Variants in MAST2 observed in about 807,000 individuals in gnomAD.
MAST2 encodes microtubule-associated serine/threonine-protein kinase 2.
In MAST2, 70 loss-of-function variants were observed where a neutral mutation model predicts 147.4. That is an observed-to-expected ratio of 0.47 (90% CI 0.39 to 0.58). The LOEUF (loss-of-function observed/expected upper bound fraction) is 0.58, where lower values mean the gene tolerates loss of function less well. MAST2 is among the 20% of genes least tolerant of loss of function. MAST2 has a pLI of 0.00. For synonymous variants in MAST2, 869 were observed against 896.8 expected (o/e 0.97, Z 0.55); for missense variants, 2,080 against 2,302.3 (o/e 0.90, Z 1.98).
chr1:45,937,718 C>T (rs1302482708), intron 4 of MAST2, among the ~76,000 whole-genome samples: 1 of 124,996 alleles, frequency 8.0e-6, no homozygotes, highest in Non-Finnish European at 1.6e-5. Flanking sequence ...CACCACTGTA[C>T]TCCAGCCTGG....
At chr1:45,914,248 T>C (rs536706722) in intron 4 of MAST2, among the ~76,000 whole-genome samples, 2 of 152,306 alleles carry the variant, frequency 1.3e-5, no homozygotes, top group African/African-American at 4.8e-5. Context: ...ACCTCCTCCT[T>C]TGACTAGAGA....
At position 45,833,915 on chromosome 1, in the gene MAST2, C is replaced by T. The variant is rs538952150; in HGVS notation, c.468+4334C>T. Among the ~76,000 whole-genome samples the T allele has an allele frequency of 2.0e-5, 3 of 151,656 alleles. No individual in the cohort carries two copies. The South Asian group carries it at 6.3e-4, about 32-fold the overall frequency. On this transcript the variant is annotated intron_variant, in intron 3 of 28. Transcript: ENST00000361297. ...CTTATTTACCTACTGTAACTTCAAG[C>T]TAGCTCTTCTCTTCCCATTCTCCCG...
At chr1:45,850,680 G>T (rs1439206679) in intron 3 of MAST2, among the ~76,000 whole-genome samples, 1 of 152,080 alleles carries the variant, frequency 6.6e-6, no homozygotes, top group African/African-American at 2.4e-5. Context: ...TGCCTAGCCA[G>T]CTATCCCAGC....
chr1:45,824,645 T>TA (rs1644735729), intron 2 of MAST2, 65 bp downstream of exon 2: 2 of 1,233,282 alleles, frequency 1.6e-6, no homozygotes, highest in Admixed American at 2.5e-5. Context: ...AAGTGTATAT[T>TA]AATTGAATTG....
At chr1:45,828,286 G>T (rs1473667149) in intron 2 of MAST2, among the ~76,000 whole-genome samples, 1 of 152,086 alleles carries the variant, frequency 6.6e-6, no homozygotes, top group Non-Finnish European at 1.5e-5. Context: ...ACTACATTGG[G>T]TATTTTCATG....
At chr1:45,883,811 G>A (rs1424455975) in intron 4 of MAST2, among the ~76,000 whole-genome samples, 2 of 143,784 alleles carry the variant, frequency 1.4e-5, no homozygotes, top group Non-Finnish European at 3.0e-5. Context: ...AGGACTCTTA[G>A]AGGAATGAGA....
Position 46,021,948 on chromosome 1 carries a change from A to G in MAST2, c.1291-2A>G. On this transcript the variant is annotated splice_acceptor_variant, in intron 11 of 28. Coordinates refer to ENST00000361297, the MANE Select transcript of MAST2 (RefSeq NM_015112.3). LOFTEE classifies it high-confidence loss of function. ...ACTGACTATCTCTCTCCCTTGGTAC[A>G]GGAGTTTGACCCTGAAGAGTTCTAC... 6.2e-7 allele frequency: 1 copy of G among 1,614,156 alleles called. No individual in the cohort carries two copies. Among genetic ancestry groups the G allele is most frequent in the Non-Finnish European group, 8.5e-7 (1 of 1,179,994 alleles).
intron 1 of MAST2, among the ~76,000 whole-genome samples, chr1:45,811,482 G>A (rs1425323375): frequency 2.6e-5 from 4 of 151,446 alleles, no homozygotes; most frequent in African/African-American, 9.7e-5. Flanking sequence ...GGGACTACAG[G>A]CGCCCACCAC....
At chr1:45,822,028 A>G (rs1181320747) in intron 1 of MAST2, among the ~76,000 whole-genome samples, 1 of 150,418 alleles carries the variant, frequency 6.6e-6, no homozygotes, top group Non-Finnish European at 1.5e-5. Flanking sequence ...AGCTGGGATT[A>G]CAGGCACGTG....
chr1:45,936,611 A>T (rs899285023), intron 4 of MAST2, among the ~76,000 whole-genome samples: 4 of 152,238 alleles, frequency 2.6e-5, no homozygotes, highest in African/African-American at 9.6e-5. Flanking sequence ...TGTAACCACC[A>T]GCCTTCTGTG....
intron 4 of MAST2, among the ~76,000 whole-genome samples, chr1:45,926,173 T>C (rs553565271): frequency 6.6e-6 from 1 of 152,296 alleles, no homozygotes; most frequent in East Asian, 1.9e-4. Context: ...TTACTTCACT[T>C]CTTTCTACCT....
In MAST2 at chr1:45,817,510, C is replaced by T. The variant is rs142677443; in HGVS notation, c.178-6923C>T. Among the ~76,000 whole-genome samples, 978 of 152,234 alleles carry T rather than the reference C, an allele frequency of 6.4e-3. 2 individuals carry two copies. The highest frequency in any genetic ancestry group is 8.7e-3 in the Non-Finnish European group (595 of 68,014). Reference sequence around the variant, plus strand: ...TTCTTCAAACATGAAGGAGAAATAACGACTTCATAAGACAGAGAAGTCGAG... The same window carrying T: ...TTCTTCAAACATGAAGGAGAAATAATGACTTCATAAGACAGAGAAGTCGAG... On this transcript the variant is annotated intron_variant, in intron 1 of 28. Coordinates refer to ENST00000361297, the MANE Select transcript of MAST2 (RefSeq NM_015112.3).
chr1:45,825,584 C>T (rs186233651), intron 2 of MAST2, among the ~76,000 whole-genome samples: 4 of 151,760 alleles, frequency 2.6e-5, no homozygotes, highest in Admixed American at 2.6e-4. Context: ...AGGTGCGCAC[C>T]ACCATGCCTG....
intron 2 of MAST2, among the ~76,000 whole-genome samples, chr1:45,825,125 A>G (rs1163972009): frequency 2.0e-5 from 3 of 152,036 alleles, no homozygotes; most frequent in Admixed American, 2.0e-4. Context: ...TCCCGGATTC[A>G]TGCCATTCTC....
chr1:45,828,889 AC>A (rs1644870704), intron 2 of MAST2, among the ~76,000 whole-genome samples: 1 of 151,728 alleles, frequency 6.6e-6, no homozygotes, highest in Non-Finnish European at 1.5e-5. Flanking sequence ...ACACCACTGC[AC>A]TCCAGCCTGG....
intron 3 of MAST2, among the ~76,000 whole-genome samples, chr1:45,880,966 C>CAAAAA (rs10660375): frequency 8.0e-4 from 72 of 89,826 alleles, no homozygotes; most frequent in African/African-American, 2.8e-3. Context: ...GACTCCATCT[C>CAAAAA]AAAAAAAAAA....
intron 5 of MAST2, among the ~76,000 whole-genome samples, chr1:45,977,626 C>T (rs374112764): frequency 1.3e-5 from 2 of 151,750 alleles, no homozygotes; most frequent in African/African-American, 4.8e-5. Flanking sequence ...GGTGAAACCC[C>T]GTCTCTACTA....
chr1:45,973,382 A>G (rs1270603845), intron 5 of MAST2, among the ~76,000 whole-genome samples: 2 of 152,006 alleles, frequency 1.3e-5, no homozygotes, highest in Non-Finnish European at 2.9e-5. Context: ...TAATCTTTCT[A>G]TAGCTTGTGT....
intron 10 of MAST2, among the ~76,000 whole-genome samples, chr1:46,013,780 A>G (rs1254457396): frequency 6.6e-6 from 1 of 152,192 alleles, no homozygotes; most frequent in Non-Finnish European, 1.5e-5. Context: ...AAACAGCATG[A>G]CAGTACCATG....
Sources: gnomAD v4.1 joint callset for allele counts (sites outside exome capture counted in the v4.1 genomes callset) on GRCh38, gnomAD v4.1.1 for gene constraint, MANE v1.5 for transcripts, NCBI Gene and HGNC (gene_info 2026-07-23, HGNC 2026-07-21) for gene names.